Variants in RIMBP2 observed in about 807,000 individuals in gnomAD.
RIMBP2 encodes RIMS binding protein 2.
RIMBP2 carries 48 observed loss-of-function variants against 118.6 expected under a neutral mutation model. That is an observed-to-expected ratio of 0.40 (90% CI 0.32 to 0.51). RIMBP2 has a LOEUF of 0.51. RIMBP2 is among the 20% of genes least tolerant of loss of function. The probability of loss-of-function intolerance (pLI) is 0.41; values close to 1 mark genes in which losing one functional copy is unlikely to be tolerated. For synonymous variants in RIMBP2, 762 were observed against 742.9 expected (o/e 1.03, Z -0.42); for missense variants, 1,551 against 1,768.3 (o/e 0.88, Z 2.20).
chr12:130,451,124 A>G, intron 8 of RIMBP2, 71 bp downstream of exon 8: 2 of 1,533,254 alleles, frequency 1.3e-6, no homozygotes, highest in Non-Finnish European at 1.8e-6. Flanking sequence ...AAACAGGACA[A>G]ACTGGCCAAC....
intron 3 of RIMBP2, among the ~76,000 whole-genome samples, chr12:130,515,473 G>T (rs2051351387): frequency 6.6e-6 from 1 of 152,220 alleles, no homozygotes; most frequent in East Asian, 1.9e-4. Flanking sequence ...AACAGTGTTT[G>T]CCCTTTGGGA....
In RIMBP2 at chr12:130,648,301, T is replaced by C. The variant is rs1452857979; in HGVS notation, c.-351-19845A>G. Reference sequence around the variant, plus strand: ...CTCAAATGCCCTAAAAACATGGTTTTTTGACCCAGAAATTCCACCTTCATA... The same window carrying C: ...CTCAAATGCCCTAAAAACATGGTTTCTTGACCCAGAAATTCCACCTTCATA... On this transcript the variant is annotated intron_variant, in intron 1 of 22. Coordinates refer to ENST00000690449, the MANE Select transcript of RIMBP2 (RefSeq NM_001393629.1). Among the ~76,000 whole-genome samples, 3 of 145,870 alleles carry C rather than the reference T, an allele frequency of 2.1e-5. 1 individual carries two copies. Among genetic ancestry groups the C allele is most frequent in the Non-Finnish European group, 4.7e-5 (3 of 64,456 alleles).
intron 1 of RIMBP2, among the ~76,000 whole-genome samples, chr12:130,712,606 G>A (rs2398528): frequency 0.62 from 94,262 of 152,054 alleles, 32,708 homozygotes; most frequent in Non-Finnish European, 0.8. Flanking sequence ...AGGACCTGCC[G>A]GAGGCTGTTC....
At chr12:130,553,572 C>A (rs10773794) in intron 2 of RIMBP2, among the ~76,000 whole-genome samples, 1 of 151,826 alleles carries the variant, frequency 6.6e-6, no homozygotes, top group African/African-American at 2.4e-5. Flanking sequence ...GGCAGAAACC[C>A]GTCTCTACCG....
At chr12:130,674,756 G>A (rs548738206) in intron 1 of RIMBP2, among the ~76,000 whole-genome samples, 10 of 151,748 alleles carry the variant, frequency 6.6e-5, no homozygotes, top group South Asian at 4.2e-4. Flanking sequence ...ATCCATGACC[G>A]GCCGCTCCCC....
rs1475713994 is a variant in RIMBP2, at chr12:130,576,975, G to A, written c.-217+51347C>T. On this transcript the variant is annotated intron_variant, in intron 2 of 22. Transcript: ENST00000690449. This position sits in a 1 kb window ranked among gnomAD's most constrained non-coding sequence, Gnocchi z 4.2. ...AGGGGATGGCCCAGACCTTCACAGAGGAGACAAAATGTCCCGGCTGCAGCC... is the reference window on the plus strand; with the variant it reads ...AGGGGATGGCCCAGACCTTCACAGAAGAGACAAAATGTCCCGGCTGCAGCC... Among the ~76,000 whole-genome samples the A allele has an allele frequency of 6.6e-6, 1 of 152,194 alleles. No homozygotes were observed. The highest frequency in any genetic ancestry group is 1.5e-5 in the Non-Finnish European group (1 of 68,036).
At chr12:130,399,532 C>G (rs542163825) in intron 22 of RIMBP2, 147 bp downstream of exon 22, 20 of 812,046 alleles carry the variant, frequency 2.5e-5, no homozygotes, top group Non-Finnish European at 3.6e-5. Context: ...TTAGGTACAA[C>G]TCCCATGGCT....
intron 6 of RIMBP2, among the ~76,000 whole-genome samples, chr12:130,459,906 G>A (rs1466926696): frequency 1.3e-5 from 2 of 152,200 alleles, no homozygotes; most frequent in Non-Finnish European, 2.9e-5. Context: ...GCTTCCCAAG[G>A]TCAGCCCCTT....
chr12:130,672,403 T>C (rs937639141), intron 1 of RIMBP2, among the ~76,000 whole-genome samples: 5 of 152,258 alleles, frequency 3.3e-5, no homozygotes, highest in African/African-American at 1.2e-4. Context: ...GTAGGGTGGA[T>C]TGAGCTCAGG....
chr12:130,485,656 A>T (rs2138293677), intron 4 of RIMBP2, among the ~76,000 whole-genome samples: 1 of 152,318 alleles, frequency 6.6e-6, no homozygotes, highest in Non-Finnish European at 1.5e-5. Context: ...AGTTCTGGGA[A>T]GGAAGTTGTT....
In RIMBP2 at chr12:130,646,443, C is replaced by CCT. The variant is rs1260693313; in HGVS notation, c.-351-17988_-351-17987insAG. 1.4e-4 allele frequency among the ~76,000 whole-genome samples: 12 copies of CCT among 84,540 alleles called. 2 individuals are homozygous for CCT. Among genetic ancestry groups the CCT allele is most frequent in the Middle Eastern group, 6.3e-3 (1 of 160 alleles). The allele number at this position is 84,540 out of a possible 152,430, so 55.5% of individuals were successfully genotyped here. A position where few individuals can be genotyped will look rare whatever the true frequency, so the allele number is the denominator to read the frequency against. On this transcript the variant is annotated intron_variant, in intron 1 of 22. Coordinates refer to ENST00000690449, the MANE Select transcript of RIMBP2 (RefSeq NM_001393629.1). ...ACCACTTCCCTCTCCACCTCCCTTGCCACCTCCCTCGCCACCTCCCTCGCT... is the reference window on the plus strand; with the variant it reads ...ACCACTTCCCTCTCCACCTCCCTTGCCTCACCTCCCTCGCCACCTCCCTCGCT...
intron 6 of RIMBP2, among the ~76,000 whole-genome samples, chr12:130,462,064 G>A (rs1001269130): frequency 3.9e-5 from 6 of 152,238 alleles, no homozygotes; most frequent in Admixed American, 2.0e-4. Flanking sequence ...GCTGCTGGCC[G>A]TGGTGCTGCT....
At position 130,612,750 on chromosome 12, in the gene RIMBP2, C is replaced by T. The variant is rs1378644561; in HGVS notation, c.-217+15572G>A. Among the ~76,000 whole-genome samples, 5 of 152,302 alleles carry T rather than the reference C, an allele frequency of 3.3e-5. No individual in the cohort carries two copies. The South Asian group carries it at 6.2e-4, about 19-fold the overall frequency. Reference sequence around the variant, plus strand: ...AGTAACCAAACCGTGTGGACATCACCGCAGGCCCCCCTGGATGCAGACACT... The same window carrying T: ...AGTAACCAAACCGTGTGGACATCACTGCAGGCCCCCCTGGATGCAGACACT... On this transcript the variant is annotated intron_variant, in intron 2 of 22. Coordinates refer to ENST00000690449, the MANE Select transcript of RIMBP2 (RefSeq NM_001393629.1).
At chr12:130,609,861 G>A (rs74518375) in intron 2 of RIMBP2, among the ~76,000 whole-genome samples, 311 of 152,232 alleles carry the variant, frequency 2.0e-3, no homozygotes, top group African/African-American at 7.1e-3. Context: ...CAGGACAGAC[G>A]GAAGTCCCAG....
intron 4 of RIMBP2, among the ~76,000 whole-genome samples, chr12:130,499,225 C>CAGGT (rs2049497384): frequency 6.6e-6 from 1 of 152,168 alleles, no homozygotes. Context: ...CATCTCCCAC[C>CAGGT]AGGTCTCTTC....
At chr12:130,427,339 G>A (rs1425247098) in intron 15 of RIMBP2, 1 of 152,244 alleles carries the variant, frequency 6.6e-6, no homozygotes, top group African/African-American at 2.4e-5. Flanking sequence ...ATTAGGTTGG[G>A]ACCTGAAGAG....
At chr12:130,468,086 C>T (rs1479303358) in intron 6 of RIMBP2, among the ~76,000 whole-genome samples, 1 of 152,218 alleles carries the variant, frequency 6.6e-6, no homozygotes, top group Non-Finnish European at 1.5e-5. Flanking sequence ...AACACCTAGA[C>T]ATGAAACCCC....
At chr12:130,678,432 C>T (rs570376279) in intron 1 of RIMBP2, among the ~76,000 whole-genome samples, 52 of 152,346 alleles carry the variant, frequency 3.4e-4, no homozygotes, top group Middle Eastern at 3.4e-3. Flanking sequence ...GCGAAGTGCC[C>T]GCTCAGGGTA....
intron 1 of RIMBP2, among the ~76,000 whole-genome samples, chr12:130,641,460 G>A (rs2062618863): frequency 6.7e-6 from 1 of 150,268 alleles, no homozygotes; most frequent in African/African-American, 2.5e-5. Flanking sequence ...ACTCGGCCCG[G>A]CATCACGGGC....
Sources: gnomAD v4.1 joint callset for allele counts (sites outside exome capture counted in the v4.1 genomes callset) on GRCh38, gnomAD v4.1.1 for gene constraint, Gnocchi (gnomAD v3.1) non-coding constraint, MANE v1.5 for transcripts, NCBI Gene and HGNC (gene_info 2026-07-23, HGNC 2026-07-21) for gene names.